Variants in STK33 observed in about 807,000 individuals in gnomAD.
STK33 encodes serine/threonine kinase 33.
STK33 carries 52 observed loss-of-function variants against 58.0 expected under a neutral mutation model. The observed-to-expected ratio is 0.90, with a 90% CI of 0.72 to 1.13. The LOEUF is 1.13. STK33 is among the 50% of genes most tolerant of loss of function. The pLI, the probability that STK33 is intolerant of heterozygous loss-of-function variation, is 0.00. For synonymous variants in STK33, 215 were observed against 200.1 expected (o/e 1.07, Z -0.63); for missense variants, 630 against 604.2 (o/e 1.04, Z -0.45).
At chr11:8,578,295 C>T (rs1958325140) in intron 1 of STK33, among the ~76,000 whole-genome samples, 1 of 152,000 alleles carries the variant, frequency 6.6e-6, no homozygotes, top group East Asian at 1.9e-4. Flanking sequence ...TACAAAATAA[C>T]ATAAATTAAA....
chr11:8,392,822 A>AT, intron 15 of STK33, 112 bp from the exon 16 acceptor site: 1 of 982,256 alleles, frequency 1.0e-6, no homozygotes. Context: ...CCCTCTCTAG[A>AT]TATAGGGTCC....
chr11:8,462,412 C>T (rs201273384), intron 7 of STK33, among the ~76,000 whole-genome samples: 11 of 100,868 alleles, frequency 1.1e-4, no homozygotes, highest in South Asian at 4.0e-4. Flanking sequence ...CATATATATA[C>T]ACACACATAT....
intron 1 of STK33, among the ~76,000 whole-genome samples, chr11:8,582,043 C>A (rs2030414081): frequency 6.6e-6 from 1 of 152,180 alleles, no homozygotes; most frequent in Non-Finnish European, 1.5e-5. Flanking sequence ...TCTTAAATAT[C>A]TAAGACACTA....
At chr11:8,397,404 G>A (rs1057268078) in intron 15 of STK33, among the ~76,000 whole-genome samples, 23 of 152,194 alleles carry the variant, frequency 1.5e-4, no homozygotes, top group African/African-American at 5.5e-4. Context: ...TGAGGGTCCT[G>A]ACTGTTAGAA....
chr11:8,556,205 TTTATCGGGTAATTGGG>T (rs1471960833), intron 1 of STK33, among the ~76,000 whole-genome samples: 1 of 152,084 alleles, frequency 6.6e-6, no homozygotes, highest in Non-Finnish European at 1.5e-5. Context: ...AAGTCTGGAT[TTTATCGGGTAATTGGG>T]GAGCTGGTAA....
At chr11:8,417,578 C>T (rs550801865) in intron 14 of STK33, among the ~76,000 whole-genome samples, 21 of 152,094 alleles carry the variant, frequency 1.4e-4, no homozygotes, top group Non-Finnish European at 2.8e-4. Context: ...CTAAAGGAAA[C>T]ATTCTGGATC....
At chr11:8,545,907 T>A (rs1955872884) in intron 1 of STK33, among the ~76,000 whole-genome samples, 1 of 152,230 alleles carries the variant, frequency 6.6e-6, no homozygotes. Flanking sequence ...AGAGTGCGCT[T>A]ACACAAACCT....
chr11:8,358,241 G>A, the STK33 span, among the ~76,000 whole-genome samples: 3 of 152,126 alleles, frequency 2.0e-5, no homozygotes, highest in Non-Finnish European at 4.4e-5. Flanking sequence ...ACTGGAAGAC[G>A]TCAGGGTTTG....
intron 1 of STK33, among the ~76,000 whole-genome samples, chr11:8,526,043 T>C (rs557698843): frequency 6.6e-6 from 1 of 152,194 alleles, no homozygotes; most frequent in East Asian, 1.9e-4. Flanking sequence ...TTATAAAGGC[T>C]AGCAAAAGCA....
In STK33 at chr11:8,465,653, G is replaced by A. The variant is rs537455424; in HGVS notation, c.340-831C>T. ...CCATCGTGCATAGGAACCAGAACAT[G>A]GGAGAGCAGCTGAACTAATGCCACT... On this transcript the variant is annotated intron_variant, in intron 6 of 15. Transcript: ENST00000687296. 4.6e-5 allele frequency: 7 copies of A among 152,184 alleles called. No homozygotes were observed. In the East Asian group the frequency reaches 1.4e-3, roughly 29 times the overall value. The allele number at this position is 152,184 out of a possible 1,614,324, so 9.4% of individuals were successfully genotyped here.
In STK33 at chr11:8,509,048, G is replaced by A. The variant is rs568949682; in HGVS notation, c.-465-28434C>T. On this transcript the variant is annotated intron_variant, in intron 1 of 15. Transcript: ENST00000687296. ...GGAGAATCACTTGAGCCCAGGAGGC[G>A]GAGGTTTTGGTGAGCCAAGGTCGTG... Among the ~76,000 whole-genome samples the A allele has an allele frequency of 2.2e-4, 33 of 151,336 alleles. 1 individual carries two copies. The East Asian group carries it at 5.2e-3, about 24-fold the overall frequency.
chr11:8,578,478 T>C (rs536852221), intron 1 of STK33, among the ~76,000 whole-genome samples: 2 of 152,004 alleles, frequency 1.3e-5, no homozygotes, highest in Non-Finnish European at 1.5e-5. Context: ...AAGATATTTT[T>C]AGGCAAAAAA....
the STK33 span, among the ~76,000 whole-genome samples, chr11:8,349,518 C>T: frequency 6.6e-6 from 1 of 152,182 alleles, no homozygotes; most frequent in East Asian, 1.9e-4. Flanking sequence ...CTCATGTCCC[C>T]TTTACCATTT....
intron 1 of STK33, among the ~76,000 whole-genome samples, chr11:8,494,948 G>A (rs1200872094): frequency 6.6e-6 from 1 of 152,136 alleles, no homozygotes; most frequent in African/African-American, 2.4e-5. Flanking sequence ...ATTAACTCAA[G>A]ATGGATTAAA....
chr11:8,582,596 A>G (rs1482096527), intron 1 of STK33, among the ~76,000 whole-genome samples: 2 of 152,184 alleles, frequency 1.3e-5, no homozygotes, highest in African/African-American at 4.8e-5. Flanking sequence ...CCATGATTCA[A>G]TTACCTCCAC....
chr11:8,533,284 A>C (rs1235894633), intron 1 of STK33: 2 of 152,272 alleles, frequency 1.3e-5, no homozygotes, highest in African/African-American at 4.8e-5. Flanking sequence ...TTAAAAGAAA[A>C]AAAAGTCTGT....
the STK33 span, among the ~76,000 whole-genome samples, chr11:8,375,305 A>C: frequency 6.6e-6 from 1 of 152,214 alleles, no homozygotes; most frequent in Non-Finnish European, 1.5e-5. Flanking sequence ...ACTAGCATTT[A>C]AGGCAGGCAT....
At chr11:8,564,009 A>C (rs1358391822) in intron 1 of STK33, among the ~76,000 whole-genome samples, 1 of 152,212 alleles carries the variant, frequency 6.6e-6, no homozygotes, top group Non-Finnish European at 1.5e-5. Flanking sequence ...AGGGCCTCAT[A>C]AGGTATGTTA....
At chr11:8,530,037 A>G (rs1460474900) in intron 1 of STK33, among the ~76,000 whole-genome samples, 1 of 152,136 alleles carries the variant, frequency 6.6e-6, no homozygotes, top group Non-Finnish European at 1.5e-5. Context: ...CTGGTGCGAG[A>G]GGGGGCGGAA....
Sources: gnomAD v4.1 joint callset for allele counts (sites outside exome capture counted in the v4.1 genomes callset) on GRCh38, gnomAD v4.1.1 for gene constraint, MANE v1.5 for transcripts, NCBI Gene and HGNC (gene_info 2026-07-23, HGNC 2026-07-21) for gene names.